The following RAB27B variants were observed in gnomAD, a reference collection of about 807,000 sequenced individuals.
RAB27B encodes RAB27B, member RAS oncogene family.
A neutral mutation model predicts 24.6 loss-of-function variants in RAB27B; 15 were observed. The observed-to-expected ratio is 0.61, with a 90% CI of 0.41 to 0.94. The LOEUF (loss-of-function observed/expected upper bound fraction) is 0.94. Ranked by LOEUF, RAB27B falls within the 40% of genes least tolerant of loss-of-function variation. The pLI, the probability that RAB27B is intolerant of heterozygous loss-of-function variation, is 0.00. For missense variants in RAB27B, 261 were observed against 266.8 expected, an observed-to-expected ratio of 0.98 and a Z score of 0.15; for synonymous variants, 105 against 92.5, an observed-to-expected ratio of 1.14 and a Z score of -0.78.
intron 2 of RAB27B, among the ~76,000 whole-genome samples, chr18:54,743,159 C>A (rs1327787254): frequency 2.0e-5 from 3 of 152,198 alleles, no homozygotes; most frequent in Non-Finnish European, 4.4e-5. Flanking sequence ...TCTGCAGCAT[C>A]TCATTCAGCT....
chr18:54,787,427 C>G (rs149145864), intron 2 of RAB27B, among the ~76,000 whole-genome samples: 2 of 152,202 alleles, frequency 1.3e-5, no homozygotes, highest in African/African-American at 2.4e-5. Flanking sequence ...TCTGAGTAAA[C>G]CAAAACAAGA....
At chr18:54,855,094 C>T (rs112387195) in intron 1 of RAB27B, among the ~76,000 whole-genome samples, 5,480 of 152,256 alleles carry the variant, frequency 0.036, 327 homozygotes, top group African/African-American at 0.12. Context: ...TGATGGGAGA[C>T]AGTGACAGAT....
rs138372815 is a variant in RAB27B at position 54,753,396 on chromosome 18, T to A, written c.-20+35255T>A. Among the ~76,000 whole-genome samples, 759 of 152,316 alleles carry A rather than the reference T, an allele frequency of 5.0e-3. 7 individuals are homozygous for A. Among genetic ancestry groups the A allele is most frequent in the African/African-American group, 0.017 (715 of 41,572 alleles). On this transcript the variant is annotated intron_variant, in intron 2 of 4. Transcript: ENST00000586570. ...TTAACTAGTTAATCATTGTTTGGCT[T>A]TGGGCAAGTTATTCTAATTCCTCTA...
chr18:54,812,542 A>G (rs531451531), intron 2 of RAB27B, among the ~76,000 whole-genome samples: 49 of 128,196 alleles, frequency 3.8e-4, no homozygotes, highest in Non-Finnish European at 6.7e-4. Context: ...TGACCATGGA[A>G]CTCCTTTAAC....
intron 2 of RAB27B, among the ~76,000 whole-genome samples, chr18:54,755,724 T>C (rs887839155): frequency 2.0e-5 from 3 of 152,222 alleles, no homozygotes; most frequent in Admixed American, 2.0e-4. Flanking sequence ...TTTATTAACA[T>C]TTAGTTTGAA....
At chr18:54,810,161 T>C (rs1451185494) in intron 2 of RAB27B, among the ~76,000 whole-genome samples, 3 of 152,152 alleles carry the variant, frequency 2.0e-5, no homozygotes, top group African/African-American at 7.2e-5. Context: ...AATTAAAAGA[T>C]GCTGGTGTCT....
intron 2 of RAB27B, among the ~76,000 whole-genome samples, chr18:54,812,909 T>C (rs1910011814): frequency 6.6e-6 from 1 of 152,146 alleles, no homozygotes; most frequent in East Asian, 1.9e-4. Flanking sequence ...ATCTTCTTGA[T>C]GCAAATGATA....
rs1268155860 is a variant in RAB27B, at chr18:54,841,157, G to GCA, written c.-20+12457_-20+12458insCA. ...GAAAGACTCTGTCTTTGGGTGGCGG[G>GCA]GCGGTGGGGGGTTTGGTGAGAGGGG... is the stretch of plus-strand genomic sequence containing the variant. On this transcript the variant is annotated intron_variant, in intron 1 of 5. Coordinates refer to ENST00000262094, the MANE Select transcript of RAB27B (RefSeq NM_004163.4). 3.0e-4 allele frequency among the ~76,000 whole-genome samples: 38 copies of GCA among 128,194 alleles called. 4 individuals are homozygous for GCA. Among genetic ancestry groups the GCA allele is most frequent in the African/African-American group, 1.1e-3 (36 of 33,370 alleles). 84.1% of individuals were successfully genotyped at this position (128,194 alleles called of 152,430 possible).
rs1405474598 is a variant in RAB27B, at chr18:54,889,440, A to G, written c.*27A>G. ...CTCTACATAGAAACTGAACATCAAG[A>G]ACCCCACCAAAATATTACTTTTAAA... On this transcript the variant is annotated 3_prime_UTR_variant, in exon 6 of 6. Coordinates refer to ENST00000262094, the MANE Select transcript of RAB27B (RefSeq NM_004163.4). 3.2e-6 allele frequency: 5 copies of G among 1,568,556 alleles called. No individual in the cohort carries two copies. The Admixed American group carries it at 7.6e-5, about 24-fold the overall frequency.
At chr18:54,838,027 G>T (rs1438030025) in intron 1 of RAB27B, among the ~76,000 whole-genome samples, 1 of 152,062 alleles carries the variant, frequency 6.6e-6, no homozygotes, top group East Asian at 1.9e-4. Context: ...AAGTGATTCT[G>T]GCTCATTAAT....
In RAB27B at chr18:54,867,442, C is replaced by CTTTTT. The variant is rs548288719; in HGVS notation, c.-19-10109_-19-10105dup. On this transcript the variant is annotated intron_variant, in intron 1 of 5. Coordinates refer to ENST00000262094, the MANE Select transcript of RAB27B (RefSeq NM_004163.4). ...CTGATGCTTTCTTTTCTTTTCTTTT[C>CTTTTT]TTTTTTTTTTTTTTTTTTTTCTGAG... Among the ~76,000 whole-genome samples, 241 of 98,710 alleles carry CTTTTT rather than the reference C, an allele frequency of 2.4e-3. 1 individual carries two copies. Among genetic ancestry groups the CTTTTT allele is most frequent in the African/African-American group, 4.2e-3 (118 of 27,844 alleles). The allele number at this position is 98,710 out of a possible 152,430, so 64.8% of individuals were successfully genotyped here. A position where few individuals can be genotyped will look rare whatever the true frequency, so the allele number is the denominator to read the frequency against.
At chr18:54,850,388 T>C (rs1326043691) in intron 1 of RAB27B, among the ~76,000 whole-genome samples, 1 of 120,796 alleles carries the variant, frequency 8.3e-6, no homozygotes, top group Non-Finnish European at 1.7e-5. Flanking sequence ...AGTTTTTTTC[T>C]TGAGACAGAG....
At position 54,725,293 on chromosome 18, in the gene RAB27B, T is replaced by C; in HGVS notation, c.-20+7152T>C. 1.3e-5 allele frequency among the ~76,000 whole-genome samples: 2 copies of C among 151,590 alleles called. 1 individual carries two copies. The highest frequency in any genetic ancestry group is 2.9e-5 in the Non-Finnish European group (2 of 67,808). ...TATCCTGTAAACGTTAGTTCTTTTT[T>C]TTCTTCCTTCTGTCTCTGGCAGTGA... On this transcript the variant is annotated intron_variant, in intron 2 of 4. Transcript: ENST00000586570.
At chr18:54,813,167 T>A (rs957210956) in intron 2 of RAB27B, among the ~76,000 whole-genome samples, 1 of 152,182 alleles carries the variant, frequency 6.6e-6, no homozygotes, top group African/African-American at 2.4e-5. Context: ...CTTTTCTGTA[T>A]CCCATCTGCT....
chr18:54,860,642 G>A (rs1005956143), intron 1 of RAB27B, among the ~76,000 whole-genome samples: 9 of 152,134 alleles, frequency 5.9e-5, no homozygotes, highest in Admixed American at 3.9e-4. Context: ...ATAAGTTAGC[G>A]GATGAAGAAA....
chr18:54,737,794 A>G (rs1465525820), intron 2 of RAB27B, among the ~76,000 whole-genome samples: 1 of 152,188 alleles, frequency 6.6e-6, no homozygotes, highest in South Asian at 2.1e-4. Flanking sequence ...AAATTATTTG[A>G]CTAAATAATA....
At chr18:54,756,607 G>C (rs1278258207) in intron 2 of RAB27B, among the ~76,000 whole-genome samples, 1 of 152,128 alleles carries the variant, frequency 6.6e-6, no homozygotes, top group Non-Finnish European at 1.5e-5. Flanking sequence ...GGAGCCTACT[G>C]TGCTGTCTTC....
At chr18:54,737,454 A>G (rs955184900) in intron 2 of RAB27B, among the ~76,000 whole-genome samples, 1 of 152,204 alleles carries the variant, frequency 6.6e-6, no homozygotes, top group Non-Finnish European at 1.5e-5. Flanking sequence ...TAATGAGTAG[A>G]TTGATCAAAA....
At chr18:54,819,973 T>A (rs139143644) in intron 2 of RAB27B, among the ~76,000 whole-genome samples, 1 of 152,308 alleles carries the variant, frequency 6.6e-6, no homozygotes, top group East Asian at 1.9e-4. Context: ...GGCTGCATAG[T>A]ATTCCACGGT....
Sources: gnomAD v4.1 joint callset for allele counts (sites outside exome capture counted in the v4.1 genomes callset) on GRCh38, gnomAD v4.1.1 for gene constraint, MANE v1.5 for transcripts, NCBI Gene and HGNC (gene_info 2026-07-23, HGNC 2026-07-21) for gene names.